DST: variants seen among roughly 807,000 people sequenced by gnomAD.
The protein encoded by DST is bullous pemphigoid antigen.
DST carries 253 observed loss-of-function variants against 875.2 expected under a neutral mutation model. The ratio of observed to expected loss-of-function variants is 0.29; its 90% CI spans 0.26 to 0.32. DST has a LOEUF of 0.32. Ranked by LOEUF, DST falls within the 10% of genes least tolerant of loss-of-function variation. DST has a pLI of 1.00. For missense variants in DST, 8,287 were observed against 9,111.6 expected (o/e 0.91, Z 3.68); for synonymous variants, 3,124 against 3,197.1 (o/e 0.98, Z 0.77).
intron 87 of DST, among the ~76,000 whole-genome samples, chr6:56,486,362 C>CAAAAAA (rs61164880): frequency 8.8e-5 from 3 of 34,004 alleles, no homozygotes; most frequent in Admixed American, 3.9e-4. Flanking sequence ...GACTCCGTCT[C>CAAAAAA]AAAAAAAAAA....
chr6:56,943,430 CT>C lies in DST; in HGVS notation c.216+10354del, dbSNP rs1408845257. Among the ~76,000 whole-genome samples the C allele has an allele frequency of 2.6e-3, 353 of 135,880 alleles. 1 individual carries two copies. Among genetic ancestry groups the C allele is most frequent in the East Asian group, 0.013 (59 of 4,646 alleles). The allele number at this position is 135,880 out of a possible 152,430, so 89.1% of individuals were successfully genotyped here. A position where few individuals can be genotyped will look rare whatever the true frequency, so the allele number is the denominator to read the frequency against. On this transcript the variant is annotated intron_variant, in intron 2 of 103. Transcript: ENST00000680361. ...TTCAACTCATTTTCTTTTTCTTTTT[CT>C]TTTTTTTTTTTTTGAGATAGATTTT...
chr6:56,634,388 A>C, intron 26 of DST, 74 bp downstream of exon 26: 1 of 1,608,616 alleles, frequency 6.2e-7, no homozygotes, highest in Non-Finnish European at 8.5e-7. Context: ...GGCCTTGACA[A>C]AGTATTGATT....
intron 10 of DST, among the ~76,000 whole-genome samples, chr6:56,652,265 A>G (rs754358944): frequency 4.6e-5 from 7 of 152,220 alleles, no homozygotes; most frequent in Non-Finnish European, 7.3e-5. Flanking sequence ...GTGGCAAAAT[A>G]TGGACATTGG....
chr6:56,609,532 T>G (rs1017019634), intron 39 of DST, among the ~76,000 whole-genome samples, 188 bp from the exon 40 acceptor site: 1 of 152,234 alleles, frequency 6.6e-6, no homozygotes, highest in African/African-American at 2.4e-5. Flanking sequence ...AGTGATCTAT[T>G]CAACAGCACA....
Position 56,605,460 on chromosome 6 carries a change from A to T in DST, c.9168T>A (p.Gly3056=), listed in dbSNP as rs776567038. ...GACCTTCTACAAGCACTTCTCCTTC[A>T]CCCAAGTACATTTTCTGAATTGATG... The part of the protein sequence containing the change: ...DETSIQKMYL[G]EGEVLVEGLV... The change falls in exon 40 of 104, where the codon GGT becomes GGA. Residue 3056 remains glycine (G), a synonymous_variant. Coordinates refer to ENST00000680361, the MANE Select transcript of DST (RefSeq NM_001374736.1). 12 of 1,612,758 alleles carry T rather than the reference A, an allele frequency of 7.4e-6. No homozygotes were observed. The Admixed American group carries it at 1.8e-4, about 25-fold the overall frequency.
At chr6:56,737,263 A>G (rs116024251) in intron 4 of DST, among the ~76,000 whole-genome samples, 1,912 of 152,298 alleles carry the variant, frequency 0.013, 40 homozygotes, top group African/African-American at 0.044. Context: ...AAAAAATAAT[A>G]ATATAAAGTA....
chr6:56,617,581 T>C (rs534956576), intron 36 of DST, among the ~76,000 whole-genome samples: 133 of 152,236 alleles, frequency 8.7e-4, no homozygotes, highest in Middle Eastern at 3.4e-3. Flanking sequence ...TTATATTATT[T>C]TCAGAGTCTG....
At chr6:56,667,934 CTATTT>C (rs2152823131) in intron 10 of DST, among the ~76,000 whole-genome samples, 1 of 151,722 alleles carries the variant, frequency 6.6e-6, no homozygotes, top group African/African-American at 2.4e-5. Context: ...TTTTTCTAAT[CTATTT>C]TATTTTTTTA....
In DST at chr6:56,624,246, G is replaced by A. The variant is rs111346000; in HGVS notation, c.4929+284C>T. 4,898 of 588,518 alleles carry A rather than the reference G, an allele frequency of 8.3e-3. 155 individuals are homozygous for A. Among genetic ancestry groups the A allele is most frequent in the African/African-American group, 0.08 (4,296 of 53,714 alleles). The allele number at this position is 588,518 out of a possible 1,614,324, so 36.5% of individuals were successfully genotyped here. Reference sequence around the variant, plus strand: ...TATTCTGCCAAACTGCCAAAATTTCGTAATTTATTTAAGACATTAACCCCA... The same window carrying A: ...TATTCTGCCAAACTGCCAAAATTTCATAATTTATTTAAGACATTAACCCCA... On this transcript the variant is annotated intron_variant, in intron 36 of 103. Transcript: ENST00000680361.
At position 56,551,272 on chromosome 6, in the gene DST, T is replaced by C. The variant is rs115052572; in HGVS notation, c.16608+912A>G. On this transcript the variant is annotated intron_variant, in intron 61 of 103. Coordinates refer to ENST00000680361, the MANE Select transcript of DST (RefSeq NM_001374736.1). ...TCTCAAAGAAAATAATTTGTGGTTT[T>C]ATAAACTGTTTTTATTTGGTCTTAG... Among the ~76,000 whole-genome samples, 674 of 152,298 alleles carry C rather than the reference T, an allele frequency of 4.4e-3. 1 individual carries two copies. The highest frequency in any genetic ancestry group is 7.4e-3 in the Non-Finnish European group (502 of 68,004).
At chr6:56,918,912 T>A (rs796174760) in intron 2 of DST, among the ~76,000 whole-genome samples, 7 of 152,324 alleles carry the variant, frequency 4.6e-5, no homozygotes, top group African/African-American at 1.7e-4. Context: ...ATTAGTAAAG[T>A]TAAAAATCTT....
In DST at chr6:56,640,728, G is replaced by A; in HGVS notation, c.2028-123C>T. On this transcript the variant is annotated intron_variant, in intron 17 of 103. Transcript: ENST00000680361. ...TATCAATGTTGGCTTATCAGTTTTAGCAAATGTGCCACACTAATGCAAGAT... is the reference window on the plus strand; with the variant it reads ...TATCAATGTTGGCTTATCAGTTTTAACAAATGTGCCACACTAATGCAAGAT... 6.3e-6 allele frequency: 5 copies of A among 796,600 alleles called. No homozygotes were observed. The East Asian group carries it at 1.1e-4, about 17-fold the overall frequency. The allele number at this position is 796,600 out of a possible 1,614,324, so 49.3% of individuals were successfully genotyped here.
intron 10 of DST, among the ~76,000 whole-genome samples, chr6:56,668,413 T>C (rs917707682): frequency 2.0e-5 from 3 of 152,028 alleles, no homozygotes; most frequent in African/African-American, 7.2e-5. Context: ...AAAGGAAGGA[T>C]ACAATTATAG....
At chr6:56,856,904 G>GTAT (rs1768162238) in intron 3 of DST, among the ~76,000 whole-genome samples, 1 of 152,044 alleles carries the variant, frequency 6.6e-6, no homozygotes. Flanking sequence ...ACAAGGAAAA[G>GTAT]TATTAAATGT....
chr6:56,720,297 C>CA (rs2152907853), intron 5 of DST, among the ~76,000 whole-genome samples: 1 of 151,376 alleles, frequency 6.6e-6, no homozygotes, highest in South Asian at 2.1e-4. Flanking sequence ...CAACAGCAGT[C>CA]AGAGTTTAAG....
chr6:56,517,701 T>C, intron 69 of DST, 81 bp from the exon 70 acceptor site: 2 of 1,459,740 alleles, frequency 1.4e-6, no homozygotes, highest in African/African-American at 1.4e-5. Context: ...CTTTGAAATA[T>C]CCTTATTACA....
At chr6:56,506,043 T>G (rs1014808231) in intron 77 of DST, among the ~76,000 whole-genome samples, 3 of 152,170 alleles carry the variant, frequency 2.0e-5, no homozygotes, top group African/African-American at 7.2e-5. Context: ...TTGGTGATAT[T>G]TTTAGATAGT....
intron 88 of DST, chr6:56,484,254 T>A (rs530453223): frequency 6.6e-6 from 1 of 152,310 alleles, no homozygotes; most frequent in African/African-American, 2.4e-5. Context: ...ACAAAACATT[T>A]ATTTCAATAT....
chr6:56,862,620 T>C lies in DST; in HGVS notation c.418-11016A>G, dbSNP rs114226880. On this transcript the variant is annotated intron_variant, in intron 3 of 103. Transcript: ENST00000680361. ...TGAAGGGTTATAAGTAGTTTGCCCG[T>C]ATAGCTGTGTGACTCATGGACTGAA... Among the ~76,000 whole-genome samples the C allele has an allele frequency of 5.4e-3, 817 of 152,214 alleles. 7 individuals are homozygous for C. Among genetic ancestry groups the C allele is most frequent in the African/African-American group, 0.019 (771 of 41,538 alleles).
Sources: allele counts gnomAD v4.1 joint callset (sites outside exome capture counted in the v4.1 genomes callset), GRCh38; gene constraint gnomAD v4.1.1; transcripts MANE v1.5; gene names NCBI Gene and HGNC (gene_info 2026-07-23, HGNC 2026-07-21).